TMEM71: variants seen among roughly 807,000 people sequenced by gnomAD.
The protein encoded by TMEM71 is transmembrane protein 71.
In TMEM71, 44 loss-of-function variants were observed where a neutral mutation model predicts 38.0. The ratio of observed to expected loss-of-function variants is 1.16; its 90% CI spans 0.91 to 1.49. The LOEUF is 1.49. Among genes scored for constraint, TMEM71 ranks in the 40% most tolerant of loss-of-function variants. The pLI is 0.00. For synonymous variants in TMEM71, 133 were observed against 122.5 expected (o/e 1.09, Z -0.56); for missense variants, 367 against 348.6 (o/e 1.05, Z -0.42).
chr8:132,765,762 TTATTATTATTATTAC>T, the TMEM71 span, among the ~76,000 whole-genome samples: 28 of 150,902 alleles, frequency 1.9e-4, no homozygotes, highest in Non-Finnish European at 4.0e-4. Flanking sequence ...ACACATCTTT[TTATTATTATTATTAC>T]TATTATTATT....
chr8:132,764,513 C>T (rs576743771), upstream of TMEM71, among the ~76,000 whole-genome samples: 35 of 152,308 alleles, frequency 2.3e-4, no homozygotes, highest in African/African-American at 8.4e-4. Flanking sequence ...GCCTGCCAGG[C>T]CTGGTAGGGT....
At chr8:132,775,627 CAG>C in the TMEM71 span, 1 of 342,516 alleles carries the variant, frequency 2.9e-6, no homozygotes, top group East Asian at 4.4e-5. Flanking sequence ...GGCTGCTGTG[CAG>C]AGAGGAGGCC....
chr8:132,764,636 G>A (rs1298622112), upstream of TMEM71, among the ~76,000 whole-genome samples: 1 of 152,064 alleles, frequency 6.6e-6, no homozygotes, highest in Non-Finnish European at 1.5e-5. Flanking sequence ...TCCACCTCAG[G>A]CCCTTGGAAT....
At chr8:132,721,607 CG>C (rs1826852459) in intron 7 of TMEM71, among the ~76,000 whole-genome samples, 1 of 146,566 alleles carries the variant, frequency 6.8e-6, no homozygotes, top group South Asian at 2.2e-4. Context: ...AGTGCAATGG[CG>C]GGATCTCAGC....
chr8:132,774,094 G>A, the TMEM71 span, among the ~76,000 whole-genome samples: 2 of 152,282 alleles, frequency 1.3e-5, no homozygotes, highest in East Asian at 3.9e-4. Flanking sequence ...AACTGGCCAT[G>A]ACAAATCTCA....
At chr8:132,719,028 CT>C (rs1826692079) in intron 7 of TMEM71, among the ~76,000 whole-genome samples, 1 of 152,134 alleles carries the variant, frequency 6.6e-6, no homozygotes, top group Non-Finnish European at 1.5e-5. Flanking sequence ...CATTTTAAAA[CT>C]GTTATTCTAA....
At chr8:132,775,686 C>T in the TMEM71 span, 2 of 327,598 alleles carry the variant, frequency 6.1e-6, no homozygotes. Context: ...CCGCCTGGCC[C>T]CCGCCGGGCC....
chr8:132,759,742 G>T (rs981759638), intron 1 of TMEM71, among the ~76,000 whole-genome samples: 4 of 152,120 alleles, frequency 2.6e-5, no homozygotes, highest in African/African-American at 9.7e-5. Context: ...GTAATGGATT[G>T]TTTTTGTAGC....
At chr8:132,707,293 G>T (rs934229214), downstream of TMEM71, among the ~76,000 whole-genome samples, 8 of 152,172 alleles carry the variant, frequency 5.3e-5, no homozygotes, top group Non-Finnish European at 1.0e-4. Context: ...TGAAGGTGAG[G>T]ATGTTGGAAG....
intron 3 of TMEM71, among the ~76,000 whole-genome samples, chr8:132,754,846 A>T (rs181178221): frequency 1.9e-3 from 284 of 152,336 alleles, no homozygotes; most frequent in Admixed American, 3.8e-3. Context: ...GAAATTTGAG[A>T]CTTTGGAAAC....
intron 6 of TMEM71, among the ~76,000 whole-genome samples, chr8:132,726,336 T>C (rs1444616985): frequency 6.6e-6 from 1 of 152,136 alleles, no homozygotes; most frequent in African/African-American, 2.4e-5. Flanking sequence ...CATATTGATC[T>C]TCAGGACTAG....
At chr8:132,764,793 G>A (rs1446880555), upstream of TMEM71, among the ~76,000 whole-genome samples, 1 of 152,226 alleles carries the variant, frequency 6.6e-6, no homozygotes, top group Non-Finnish European at 1.5e-5. Context: ...AATGAGCCAA[G>A]TTTCTGTCCA....
intron 7 of TMEM71, among the ~76,000 whole-genome samples, chr8:132,715,270 C>T (rs371146159): frequency 1.1e-4 from 16 of 151,140 alleles, no homozygotes; most frequent in South Asian, 4.2e-4. Flanking sequence ...AATAGCCGGG[C>T]GTGGTGGCGG....
At chr8:132,725,203 A>T (rs543380089) in intron 6 of TMEM71, among the ~76,000 whole-genome samples, 1 of 152,104 alleles carries the variant, frequency 6.6e-6, no homozygotes, top group South Asian at 2.1e-4. Flanking sequence ...ATGCCCAGAT[A>T]ATTTTTTGTA....
intron 3 of TMEM71, among the ~76,000 whole-genome samples, chr8:132,754,960 T>G (rs990491764): frequency 6.6e-6 from 1 of 152,192 alleles, no homozygotes; most frequent in African/African-American, 2.4e-5. Flanking sequence ...TCCAGTAGGT[T>G]AAATTCATTG....
At chr8:132,715,077 C>A (rs571492604) in intron 7 of TMEM71, among the ~76,000 whole-genome samples, 8 of 152,226 alleles carry the variant, frequency 5.3e-5, no homozygotes, top group African/African-American at 1.9e-4. Flanking sequence ...TGGGAGGATG[C>A]AGAGCAACAG....
At chr8:132,712,270 A>T (rs1826276280) in intron 9 of TMEM71, among the ~76,000 whole-genome samples, 2 of 152,094 alleles carry the variant, frequency 1.3e-5, no homozygotes, top group African/African-American at 4.8e-5. Flanking sequence ...TATGTACACA[A>T]ATAATCAAAG....
intron 5 of TMEM71, among the ~76,000 whole-genome samples, chr8:132,743,850 C>T (rs1045467376): frequency 6.6e-6 from 1 of 152,172 alleles, no homozygotes; most frequent in African/African-American, 2.4e-5. Flanking sequence ...CGTCTACTCA[C>T]TAGGCAACTC....
intron 5 of TMEM71, among the ~76,000 whole-genome samples, chr8:132,745,281 A>G (rs181083384): frequency 5.9e-5 from 9 of 152,190 alleles, no homozygotes; most frequent in Non-Finnish European, 1.3e-4. Flanking sequence ...TATGAATCTA[A>G]CAGAGGTCTA....
Sources: allele counts gnomAD v4.1 joint callset (sites outside exome capture counted in the v4.1 genomes callset), GRCh38; gene constraint gnomAD v4.1.1; transcripts MANE v1.5; gene names NCBI Gene and HGNC (gene_info 2026-07-23, HGNC 2026-07-21).